Variants in ZDHHC14 observed in about 807,000 individuals in gnomAD.
ZDHHC14 encodes the protein palmitoyltransferase ZDHHC14.
Under a neutral mutation model 47.7 loss-of-function variants are expected in ZDHHC14, and 16 were observed. That is an observed-to-expected ratio of 0.34 (90% CI 0.23 to 0.51). ZDHHC14 has a LOEUF of 0.51. Ranked by LOEUF, ZDHHC14 falls within the 20% of genes least tolerant of loss-of-function variation. The pLI is 0.97. For synonymous variants in ZDHHC14, 293 were observed against 278.9 expected, an observed-to-expected ratio of 1.05 and a Z score of -0.50; for missense variants, 515 against 662.5, an observed-to-expected ratio of 0.78 and a Z score of 2.44.
rs1778870673 is a variant in ZDHHC14 at position 157,672,917 on chromosome 6, CCACG to C, written c.1264_1267del (p.Thr422SerfsTer4). On this transcript the variant is annotated frameshift_variant, in exon 9 of 9. Transcript: ENST00000359775. LOFTEE classifies it high-confidence loss of function. ...GCCTCCATGCCCAACCTCGCCGAGGCCACGCTCGCGGACGTGATGCCCCGGAAAG... is the reference window on the plus strand; with the variant it reads ...GCCTCCATGCCCAACCTCGCCGAGGCCTCGCGGACGTGATGCCCCGGAAAG... 2 of 1,604,250 alleles carry C rather than the reference CCACG, an allele frequency of 1.2e-6. No homozygotes were observed. The highest frequency in any genetic ancestry group is 2.7e-5 in the African/African-American group (2 of 74,844).
At chr6:157,446,550 C>T (rs1009196959) in intron 1 of ZDHHC14, among the ~76,000 whole-genome samples, 2 of 152,058 alleles carry the variant, frequency 1.3e-5, no homozygotes, top group Admixed American at 1.3e-4. Context: ...GCTGGGATTA[C>T]AGGTGCGTAC....
intron 8 of ZDHHC14, among the ~76,000 whole-genome samples, chr6:157,654,285 A>G (rs915675032): frequency 6.6e-6 from 1 of 152,118 alleles, no homozygotes; most frequent in Non-Finnish European, 1.5e-5. Context: ...GGAGTCGCTC[A>G]TGGACACCAG....
intron 8 of ZDHHC14, among the ~76,000 whole-genome samples, chr6:157,661,026 C>T (rs772366774): frequency 1.6e-4 from 24 of 152,210 alleles, no homozygotes; most frequent in Non-Finnish European, 2.2e-4. Flanking sequence ...CTGGAGGAGA[C>T]GACATCTGAG....
At chr6:157,561,103 C>T (rs549197585) in intron 2 of ZDHHC14, among the ~76,000 whole-genome samples, 12 of 152,344 alleles carry the variant, frequency 7.9e-5, no homozygotes, top group African/African-American at 2.6e-4. Flanking sequence ...GTTAGCTGCC[C>T]TGTGCAAGGC....
chr6:157,563,207 G>C (rs757166617), intron 2 of ZDHHC14, among the ~76,000 whole-genome samples: 2 of 152,236 alleles, frequency 1.3e-5, no homozygotes, highest in Non-Finnish European at 2.9e-5. Context: ...GGCCTGGATG[G>C]CAGAAGTACT....
chr6:157,515,457 C>CTTTTTTTTTTTTTTT (rs1187323622), intron 1 of ZDHHC14, among the ~76,000 whole-genome samples: 3 of 129,450 alleles, frequency 2.3e-5, no homozygotes, highest in Non-Finnish European at 5.0e-5. Context: ...TTTTCTTTTT[C>CTTTTTTTTTTTTTTT]TTTTTTTTTT....
rs1231434907 is a variant in ZDHHC14 at position 157,482,260 on chromosome 6, C to CTTT, written c.246-60309_246-60307dup. The stretch of plus-strand genomic sequence containing the variant: ...CTAACGTCTATATTTCTTTTCTTTT[C>CTTT]TTTTTTTTTTTTTTTTTTGAGATGG... On this transcript the variant is annotated intron_variant, in intron 1 of 8. Transcript: ENST00000359775. Among the ~76,000 whole-genome samples, 7 of 127,548 alleles carry CTTT rather than the reference C, an allele frequency of 5.5e-5. 1 individual carries two copies. Among genetic ancestry groups the CTTT allele is most frequent in the Non-Finnish European group, 9.8e-5 (6 of 61,236 alleles). The allele number at this position is 127,548 out of a possible 152,430, so 83.7% of individuals were successfully genotyped here.
intron 1 of ZDHHC14, among the ~76,000 whole-genome samples, chr6:157,426,776 G>A (rs772395482): frequency 1.3e-5 from 2 of 152,220 alleles, no homozygotes; most frequent in African/African-American, 2.4e-5. Flanking sequence ...AGAGGGGCCA[G>A]CGTGAGGTTC....
At chr6:157,424,058 C>T (rs1216614720) in intron 1 of ZDHHC14, among the ~76,000 whole-genome samples, 2 of 152,244 alleles carry the variant, frequency 1.3e-5, no homozygotes, top group African/African-American at 2.4e-5. Context: ...CAGATGCGTG[C>T]TTTGCATAAC....
chr6:157,518,376 G>C (rs751001113), intron 1 of ZDHHC14, among the ~76,000 whole-genome samples: 2 of 132,486 alleles, frequency 1.5e-5, no homozygotes, highest in Non-Finnish European at 3.2e-5. Flanking sequence ...AGCTCTCCAG[G>C]GGCAATAGGG....
At chr6:157,526,484 C>G (rs749539433) in intron 1 of ZDHHC14, among the ~76,000 whole-genome samples, 1 of 152,194 alleles carries the variant, frequency 6.6e-6, no homozygotes, top group Non-Finnish European at 1.5e-5. Context: ...CGTTGGTCTA[C>G]TCGGTCTTGA....
chr6:157,603,474 T>A (rs1316005093), intron 3 of ZDHHC14, among the ~76,000 whole-genome samples: 3 of 152,106 alleles, frequency 2.0e-5, no homozygotes, highest in Non-Finnish European at 4.4e-5. Context: ...GGGACTTGAC[T>A]CAGCTGCTGG....
intron 1 of ZDHHC14, among the ~76,000 whole-genome samples, chr6:157,401,813 C>G (rs1346181787): frequency 6.8e-6 from 1 of 146,076 alleles, no homozygotes; most frequent in South Asian, 2.2e-4. Flanking sequence ...GCTGAGATCA[C>G]AGCTTCAGTA....
At chr6:157,542,466 T>G (rs1396919377) in intron 1 of ZDHHC14, 119 bp from the exon 2 acceptor site, 1 of 1,343,642 alleles carries the variant, frequency 7.4e-7, no homozygotes, top group East Asian at 2.4e-5. Context: ...TGGAAATCAA[T>G]TTCTCTCCTC....
At chr6:157,426,821 C>T (rs550897781) in intron 1 of ZDHHC14, among the ~76,000 whole-genome samples, 1 of 152,344 alleles carries the variant, frequency 6.6e-6, no homozygotes, top group East Asian at 1.9e-4. Context: ...GAAGCCGTCT[C>T]ACCTTTGGCC....
At chr6:157,545,376 A>G (rs923855365) in intron 2 of ZDHHC14, among the ~76,000 whole-genome samples, 20 of 115,058 alleles carry the variant, frequency 1.7e-4, no homozygotes, top group African/African-American at 7.1e-4. Context: ...ATGAAGATGT[A>G]AAAAAAAAAG....
Position 157,386,704 on chromosome 6 carries a change from A to C in ZDHHC14, c.245+4438A>C, listed in dbSNP as rs148410309. ...GAGGTGGGGAGCCGACTGCAGTGCT[A>C]TCCAGACAGCTCACCCTCTTTGCAG... is the stretch of plus-strand genomic sequence containing the variant. On this transcript the variant is annotated intron_variant, in intron 1 of 8. Coordinates refer to ENST00000359775, the MANE Select transcript of ZDHHC14 (RefSeq NM_024630.3). Among the ~76,000 whole-genome samples the C allele has an allele frequency of 6.0e-4, 91 of 152,284 alleles. No individual in the cohort carries two copies. The South Asian group carries it at 6.6e-3, about 11-fold the overall frequency.
At chr6:157,615,634 A>G (rs1784935080) in intron 3 of ZDHHC14, among the ~76,000 whole-genome samples, 1 of 152,226 alleles carries the variant, frequency 6.6e-6, no homozygotes, top group Non-Finnish European at 1.5e-5. Context: ...CCAGGACCCA[A>G]GTTCAAGTCC....
At chr6:157,450,446 T>G (rs1583655610) in intron 1 of ZDHHC14, among the ~76,000 whole-genome samples, 1 of 146,328 alleles carries the variant, frequency 6.8e-6, no homozygotes, top group African/African-American at 2.6e-5. Context: ...ACCCCGGGGG[T>G]AGAGGTTGTA....
Sources: gnomAD v4.1 joint callset for allele counts (sites outside exome capture counted in the v4.1 genomes callset) on GRCh38, gnomAD v4.1.1 for gene constraint, MANE v1.5 for transcripts, NCBI Gene and HGNC (gene_info 2026-07-23, HGNC 2026-07-21) for gene names.